ASCC3: variants seen among roughly 807,000 people sequenced by gnomAD.
ASCC3 encodes activating signal cointegrator 1 complex subunit 3.
Under a neutral mutation model 256.3 loss-of-function variants are expected in ASCC3, and 158 were observed. The observed-to-expected ratio is 0.62, with a 90% confidence interval of 0.54 to 0.70. The LOEUF (loss-of-function observed/expected upper bound fraction) is 0.70, where lower values mean the gene tolerates loss of function less well. ASCC3 is among the 30% of genes least tolerant of loss of function. The pLI is 0.00. For synonymous variants in ASCC3, 948 were observed against 883.4 expected, an observed-to-expected ratio of 1.07 and a Z score of -1.30; for missense variants, 2,259 against 2,626.0, an observed-to-expected ratio of 0.86 and a Z score of 3.05.
intron 8 of ASCC3, among the ~76,000 whole-genome samples, chr6:100,790,230 G>A (rs1365168397): frequency 6.6e-6 from 1 of 151,952 alleles, no homozygotes; most frequent in Non-Finnish European, 1.5e-5. Context: ...AAAATAAATA[G>A]TCTGAAAAGG....
intron 36 of ASCC3, among the ~76,000 whole-genome samples, chr6:100,577,267 T>G (rs1260556710): frequency 6.6e-6 from 1 of 152,022 alleles, no homozygotes; most frequent in Non-Finnish European, 1.5e-5. Context: ...TTGGCCTATA[T>G]TATATCTGTC....
intron 34 of ASCC3, among the ~76,000 whole-genome samples, chr6:100,597,473 T>C (rs187451276): frequency 9.7e-4 from 148 of 152,260 alleles, no homozygotes; most frequent in Non-Finnish European, 1.6e-3. Flanking sequence ...TGCTACTATC[T>C]TCCAACAGAA....
Position 100,627,867 on chromosome 6 carries a change from A to T in ASCC3, c.4496T>A (p.Leu1499His). 6.2e-7 allele frequency: 1 copy of T among 1,613,768 alleles called. No homozygotes were observed. Among genetic ancestry groups the T allele is most frequent in the Non-Finnish European group, 8.5e-7 (1 of 1,179,810 alleles). Residue 1499 changes from leucine (L) to histidine (H), a missense_variant, in exon 28 of 42, where the codon CTT becomes CAT. Leu to His is a moderately conservative substitution (Grantham distance 99). Transcript: ENST00000369162. ...LSTALANARD[L>H]ADWLNIKQMG... is the part of the protein sequence containing the mutation. ...CTGCTTAATATTGAGCCAATCAGCA[A>T]GGTCTCTGGCATTAGCTAATGCAGT...
intron 10 of ASCC3, among the ~76,000 whole-genome samples, chr6:100,734,850 G>A (rs1205687135): frequency 6.6e-6 from 1 of 152,128 alleles, no homozygotes; most frequent in Non-Finnish European, 1.5e-5. Context: ...AAGCTACTCT[G>A]CAAAACTGGT....
At chr6:100,775,712 A>G (rs1782153821) in intron 8 of ASCC3, among the ~76,000 whole-genome samples, 1 of 152,086 alleles carries the variant, frequency 6.6e-6, no homozygotes, top group African/African-American at 2.4e-5. Flanking sequence ...AAAACAGCCC[A>G]CGTTTTATAC....
intron 34 of ASCC3, among the ~76,000 whole-genome samples, chr6:100,596,263 A>G (rs536861790): frequency 1.3e-5 from 2 of 152,316 alleles, no homozygotes; most frequent in South Asian, 2.1e-4. Flanking sequence ...AATTTTTCAA[A>G]ACAAATCTTC....
rs185123079 is a variant in ASCC3, at chr6:100,530,798, T to C, written c.5775+9365A>G. On this transcript the variant is annotated intron_variant, in intron 37 of 41. Coordinates refer to ENST00000369162, the MANE Select transcript of ASCC3 (RefSeq NM_006828.4). ...AGAATCCAAGACAAAAAGGATTAGA[T>C]CTAGAAATGGCCATTGCCTACTGGA... The C allele has an allele frequency of 7.3e-6, 8 of 1,090,800 alleles. No individual in the cohort carries two copies. The East Asian group carries it at 1.6e-4, about 22-fold the overall frequency. The allele number at this position is 1,090,800 out of a possible 1,614,324, so 67.6% of individuals were successfully genotyped here.
intron 36 of ASCC3, among the ~76,000 whole-genome samples, chr6:100,588,954 T>C (rs1392635406): frequency 1.3e-5 from 2 of 152,058 alleles, no homozygotes; most frequent in Non-Finnish European, 2.9e-5. Flanking sequence ...AATATATGAA[T>C]ATCCTAACTA....
At chr6:100,830,121 G>T (rs759157639) in intron 4 of ASCC3, among the ~76,000 whole-genome samples, 9 of 151,896 alleles carry the variant, frequency 5.9e-5, no homozygotes, top group Non-Finnish European at 1.2e-4. Context: ...TTCGGAATGT[G>T]GCTGACTGTC....
intron 14 of ASCC3, among the ~76,000 whole-genome samples, chr6:100,678,268 A>G (rs550227652): frequency 1.3e-5 from 2 of 152,292 alleles, no homozygotes; most frequent in East Asian, 3.9e-4. Flanking sequence ...TAAACAGCAT[A>G]GAGTTGTTTT....
chr6:100,593,518 A>C (rs962787725), intron 34 of ASCC3, among the ~76,000 whole-genome samples: 1 of 152,176 alleles, frequency 6.6e-6, no homozygotes, highest in Non-Finnish European at 1.5e-5. Flanking sequence ...AGAATGAAAG[A>C]GGTTTTATAT....
intron 13 of ASCC3, among the ~76,000 whole-genome samples, chr6:100,688,012 A>C (rs1777665949): frequency 6.6e-6 from 1 of 152,024 alleles, no homozygotes; most frequent in African/African-American, 2.4e-5. Flanking sequence ...GAAAAAAAAA[A>C]ACCTGATACT....
Position 100,791,925 on chromosome 6 carries a change from G to A in ASCC3, c.1395+6788C>T, listed in dbSNP as rs77869708. 7.3e-3 allele frequency among the ~76,000 whole-genome samples: 1,110 copies of A among 151,892 alleles called. 13 individuals are homozygous for A. The highest frequency in any genetic ancestry group is 0.025 in the African/African-American group (1,033 of 41,484). ...TAACAGCCATGATGAGAGTTAATTT[G>A]AGGAAAAGCCAAAAAAATGAGGATA... On this transcript the variant is annotated intron_variant, in intron 8 of 41. Transcript: ENST00000369162.
chr6:100,647,310 T>C lies in ASCC3; in HGVS notation c.3394A>G (p.Ile1132Val). ...GWASPLRQFS[I>V]LPPHILTRLE... is the part of the protein sequence containing the mutation. Reference sequence around the variant, plus strand: ...CTTGTTAGGATGTGTGGTGGTAGGATTGAAAATTGTCTCAAAGGGCTAGCC... The same window carrying C: ...CTTGTTAGGATGTGTGGTGGTAGGACTGAAAATTGTCTCAAAGGGCTAGCC... The change falls in exon 21 of 42, where the codon ATC becomes GTC. Residue 1132 changes from isoleucine to valine, a missense_variant. By Grantham distance (29) the Ile-to-Val change is conservative. Around this residue, in one of 2 missense-constraint regions of ASCC3, gnomAD observed 1,839 missense variants for 2,206.7 expected, o/e 0.83. Transcript: ENST00000369162. 1 of 1,614,050 alleles carries C rather than the reference T, an allele frequency of 6.2e-7. No homozygotes were observed. Among genetic ancestry groups the C allele is most frequent in the Admixed American group, 1.7e-5 (1 of 60,018 alleles).
intron 8 of ASCC3, among the ~76,000 whole-genome samples, chr6:100,780,868 A>G (rs1782410124): frequency 6.6e-6 from 1 of 152,332 alleles, no homozygotes; most frequent in African/African-American, 2.4e-5. Flanking sequence ...TTAGTGTCCC[A>G]ACCTAAGCCT....
intron 3 of ASCC3, among the ~76,000 whole-genome samples, chr6:100,850,800 C>A (rs1772627063): frequency 6.6e-6 from 1 of 151,854 alleles, no homozygotes; most frequent in South Asian, 2.1e-4. Context: ...AATTCAATAG[C>A]ATTTATATAC....
intron 13 of ASCC3, among the ~76,000 whole-genome samples, chr6:100,703,527 C>T (rs553381405): frequency 6.6e-6 from 1 of 152,078 alleles, no homozygotes; most frequent in East Asian, 1.9e-4. Context: ...ATTACTCTAG[C>T]AGCTTACGGT....
intron 4 of ASCC3, among the ~76,000 whole-genome samples, chr6:100,812,737 C>T (rs976604533): frequency 6.6e-6 from 1 of 152,138 alleles, no homozygotes; most frequent in Admixed American, 6.6e-5. Context: ...AGAGACCAGC[C>T]TGGGCAACAT....
intron 30 of ASCC3, among the ~76,000 whole-genome samples, chr6:100,623,515 G>C (rs116495922): frequency 6.6e-5 from 10 of 152,148 alleles, no homozygotes; most frequent in African/African-American, 2.2e-4. Context: ...AGTAGAAGGG[G>C]AGAAATATGC....
Sources: allele counts gnomAD v4.1 joint callset (sites outside exome capture counted in the v4.1 genomes callset), GRCh38; gene constraint gnomAD v4.1.1; regional missense constraint gnomAD v4.1.1; transcripts MANE v1.5; gene names NCBI Gene and HGNC (gene_info 2026-07-23, HGNC 2026-07-21).